ANO1: variants seen among roughly 807,000 people sequenced by gnomAD.
The protein encoded by ANO1 is anoctamin 1, also known as anoctamin-1.
ANO1 carries 59 observed loss-of-function variants against 124.0 expected under a neutral mutation model. The observed-to-expected ratio is 0.48, with a 90% CI of 0.39 to 0.59. ANO1 has a LOEUF of 0.59. Among genes scored for constraint, ANO1 ranks in the 20% least tolerant of loss-of-function variants. The pLI, the probability that ANO1 is intolerant of heterozygous loss-of-function variation, is 0.00. For missense variants in ANO1, 1,059 were observed against 1,328.0 expected (o/e 0.80, Z 3.15); for synonymous variants, 529 against 532.0 (o/e 0.99, Z 0.08).
intron 5 of ANO1, 76 bp from the exon 6 acceptor site, chr11:70,108,277 C>A: frequency 6.8e-7 from 1 of 1,466,170 alleles, no homozygotes; most frequent in Non-Finnish European, 9.5e-7. Context: ...AGGTCCTCTC[C>A]AGCCACAGCA....
At chr11:70,067,755 G>T (rs527379115) in intron 1 of ANO1, among the ~76,000 whole-genome samples, 2 of 152,068 alleles carry the variant, frequency 1.3e-5, no homozygotes, top group African/African-American at 4.8e-5. Context: ...CAGACCTCCC[G>T]ACCCCCTGCC....
intron 10 of ANO1, among the ~76,000 whole-genome samples, 167 bp downstream of exon 10, chr11:70,126,362 C>T (rs953319475): frequency 6.6e-6 from 1 of 152,228 alleles, no homozygotes; most frequent in African/African-American, 2.4e-5. Context: ...GGTTCGAAGC[C>T]ATCTAGGAGT....
At chr11:70,086,483 C>T (rs1462662237) in intron 1 of ANO1, among the ~76,000 whole-genome samples, 2 of 152,212 alleles carry the variant, frequency 1.3e-5, no homozygotes, top group Non-Finnish European at 2.9e-5. Context: ...GCCCTAACCC[C>T]GCCCCCTTGG....
intron 1 of ANO1, among the ~76,000 whole-genome samples, chr11:70,006,630 T>A (rs138009147): frequency 0.036 from 5,427 of 150,084 alleles, 296 homozygotes; most frequent in African/African-American, 0.12. Context: ...TCTTTCTTCT[T>A]TCTTTTCTTT....
At chr11:70,173,636 A>G (rs946240077) in intron 22 of ANO1, among the ~76,000 whole-genome samples, 1 of 152,242 alleles carries the variant, frequency 6.6e-6, no homozygotes, top group African/African-American at 2.4e-5. Context: ...TTTTCTGTTA[A>G]GAGCCAGAGA....
chr11:70,011,208 G>C (rs1251309388), intron 1 of ANO1, among the ~76,000 whole-genome samples: 1 of 152,196 alleles, frequency 6.6e-6, no homozygotes, highest in Non-Finnish European at 1.5e-5. Context: ...CAATGGCCTG[G>C]GGTCGGGGAG....
At chr11:70,092,284 G>C (rs1283831749) in intron 2 of ANO1, among the ~76,000 whole-genome samples, 2 of 152,206 alleles carry the variant, frequency 1.3e-5, no homozygotes, top group African/African-American at 4.8e-5. Flanking sequence ...CTGTTTCCAA[G>C]TGAGATCACA....
intron 2 of ANO1, among the ~76,000 whole-genome samples, chr11:70,101,809 C>G (rs2045289160): frequency 6.6e-6 from 1 of 152,250 alleles, no homozygotes; most frequent in Non-Finnish European, 1.5e-5. Context: ...CAAGACTTCC[C>G]ATCCCTTCCT....
At chr11:70,032,537 G>GA (rs541131008) in intron 1 of ANO1, among the ~76,000 whole-genome samples, 5 of 123,554 alleles carry the variant, frequency 4.0e-5, no homozygotes, top group Non-Finnish European at 6.9e-5. Flanking sequence ...GGCGGGAGAG[G>GA]GGGGGGGTCT....
chr11:70,170,781 G>A lies in ANO1; in HGVS notation c.2198-106G>A, dbSNP rs1417711934. 10 of 1,417,158 alleles carry A rather than the reference G, an allele frequency of 7.1e-6. No homozygotes were observed. The Admixed American group carries it at 2.1e-4, about 30-fold the overall frequency. 87.8% of individuals were successfully genotyped at this position (1,417,158 alleles called of 1,614,324 possible). On this transcript the variant is annotated intron_variant, in intron 21 of 25. Transcript: ENST00000355303. The stretch of plus-strand genomic sequence containing the variant: ...GTCCATGCAGGTGGGCTCGTTGGAG[G>A]TGGGGCGGCAGCCAGACCTGTGCGG...
chr11:70,160,501 G>C (rs1565262706), intron 16 of ANO1, among the ~76,000 whole-genome samples: 1 of 152,226 alleles, frequency 6.6e-6, no homozygotes, highest in Non-Finnish European at 1.5e-5. Context: ...CCCACGGTAT[G>C]TTTGGCAAGA....
At chr11:70,037,484 C>T (rs182298031) in intron 1 of ANO1, among the ~76,000 whole-genome samples, 14 of 151,968 alleles carry the variant, frequency 9.2e-5, no homozygotes, top group Admixed American at 2.6e-4. Flanking sequence ...GAGACCATCG[C>T]GGGGCAGAGG....
chr11:70,179,678 A>G (rs2048861379), intron 22 of ANO1, among the ~76,000 whole-genome samples: 1 of 152,258 alleles, frequency 6.6e-6, no homozygotes, highest in Admixed American at 6.5e-5. Flanking sequence ...TGGTCAGTTT[A>G]GGAATTAAAA....
At chr11:70,007,905 G>A (rs1856523330) in intron 1 of ANO1, among the ~76,000 whole-genome samples, 1 of 152,148 alleles carries the variant, frequency 6.6e-6, no homozygotes, top group Non-Finnish European at 1.5e-5. Context: ...ATCCAAACGT[G>A]TTATTTTATG....
At chr11:70,156,072 T>C in intron 15 of ANO1, 84 bp downstream of exon 15, 1 of 1,244,370 alleles carries the variant, frequency 8.0e-7, no homozygotes, top group Non-Finnish European at 1.0e-6. Flanking sequence ...AACAAACTGT[T>C]GTATATATTT....
rs1395622957 is a variant in ANO1, at chr11:70,120,907, GCC to G, written c.898-3438_898-3437del. On this transcript the variant is annotated intron_variant, in intron 8 of 25. Coordinates refer to ENST00000355303, the MANE Select transcript of ANO1 (RefSeq NM_018043.7). ...CAGCCCACAGCCCCCATGGCTGGAC[GCC>G]CCCCTGCCTGCTCACCGGGGCTAAG... Among the ~76,000 whole-genome samples the G allele has an allele frequency of 2.6e-5, 4 of 152,210 alleles. No homozygotes were observed. The East Asian group carries it at 7.7e-4, about 29-fold the overall frequency.
chr11:69,993,002 C>T (rs1856185080), intron 1 of ANO1, among the ~76,000 whole-genome samples: 1 of 152,228 alleles, frequency 6.6e-6, no homozygotes, highest in Non-Finnish European at 1.5e-5. Context: ...GTAATTTCAG[C>T]TTCCTTTCTC....
At chr11:70,157,366 CAAA>C (rs529445782) in intron 16 of ANO1, among the ~76,000 whole-genome samples, 8 of 98,106 alleles carry the variant, frequency 8.2e-5, no homozygotes, top group Admixed American at 3.4e-4. Context: ...GACTCTGTCT[CAAA>C]AAAAAAAAAA....
chr11:69,976,165 C>T, the ANO1 span, among the ~76,000 whole-genome samples: 1 of 152,146 alleles, frequency 6.6e-6, no homozygotes. Flanking sequence ...TCCAGGACCT[C>T]AGCATGCAAC....
Sources: gnomAD v4.1 joint callset for allele counts (sites outside exome capture counted in the v4.1 genomes callset) on GRCh38, gnomAD v4.1.1 for gene constraint, MANE v1.5 for transcripts, NCBI Gene and HGNC (gene_info 2026-07-23, HGNC 2026-07-21) for gene names.